GOLGA8T: variants seen among roughly 807,000 people sequenced by gnomAD.
GOLGA8T encodes the protein golgin subfamily A member 8T.
In GOLGA8T, 17 loss-of-function variants were observed where a neutral mutation model predicts 52.0. The ratio of observed to expected loss-of-function variants is 0.33; its 90% CI spans 0.22 to 0.49. The LOEUF is 0.49. GOLGA8T is among the 20% of genes least tolerant of loss of function. GOLGA8T has a pLI of 0.99. For synonymous variants in GOLGA8T, 67 were observed against 169.5 expected (o/e 0.40, Z 4.70); for missense variants, 154 against 462.1 (o/e 0.33, Z 6.11).
rs1168516275 is a variant in GOLGA8T at position 30,144,863 on chromosome 15, G to A, written c.1453G>A (p.Asp485Asn). ...ACTCTGCTTCATCCACCACTGGCGA[G>A]ACAGACGCCATCAGTGAGTGGGAGG... ...KELCFIHHWR[D>N]RRHQKTHHLL... Residue 485 changes from aspartate to asparagine, a missense_variant, in exon 16 of 19, where the codon GAC becomes AAC. Around this residue, in one of 6 missense-constraint regions of GOLGA8T, gnomAD observed 17 missense variants for 26.0 expected, o/e 0.65. Coordinates refer to ENST00000569052, the MANE Select transcript of GOLGA8T (RefSeq NM_001355469.2). 1.3e-6 allele frequency: 2 copies of A among 1,585,312 alleles called. No homozygotes were observed. The highest frequency in any genetic ancestry group is 1.7e-6 in the Non-Finnish European group (2 of 1,171,624).
chr15:30,142,193 G>C, intron 12 of GOLGA8T, 121 bp from the exon 13 acceptor site: 1 of 684,224 alleles, frequency 1.5e-6, no homozygotes, highest in Non-Finnish European at 2.3e-6. Flanking sequence ...AGGTGGCTGT[G>C]GGAGAGAGGG....
rs1472178417 is a variant in GOLGA8T, at chr15:30,148,695, C to A, written c.*3128C>A. On this transcript the variant is annotated 3_prime_UTR_variant, in exon 19 of 19. Coordinates refer to ENST00000569052, the MANE Select transcript of GOLGA8T (RefSeq NM_001355469.2). ...ACTGAAAGATTTTTCCCTAGAGTGGCCTTATTGACTGCTGGTGTGATGCCA... is the reference window on the plus strand; with the variant it reads ...ACTGAAAGATTTTTCCCTAGAGTGGACTTATTGACTGCTGGTGTGATGCCA... Among the ~76,000 whole-genome samples the A allele has an allele frequency of 2.0e-5, 3 of 146,364 alleles. No individual in the cohort carries two copies. The highest frequency in any genetic ancestry group is 2.2e-4 in the South Asian group (1 of 4,518).
intron 11 of GOLGA8T, 38 bp downstream of exon 11, chr15:30,141,463 C>T: frequency 1.3e-6 from 2 of 1,517,748 alleles, no homozygotes; most frequent in Non-Finnish European, 1.7e-6. Flanking sequence ...GCAGGACTGG[C>T]ATCAGAGGGC....
chr15:30,140,758 G>T (rs980117222), intron 8 of GOLGA8T, 84 bp from the exon 9 acceptor site: 1 of 1,039,808 alleles, frequency 9.6e-7, no homozygotes, highest in Non-Finnish European at 1.4e-6. Flanking sequence ...TTGTATATTG[G>T]GCCTAGCCCT....
At position 30,144,648 on chromosome 15, in the gene GOLGA8T, C is replaced by A. The variant is rs2057795211; in HGVS notation, c.1369-131C>A. ...GGGGCGAGTCTGTGAGTAGGGAGAC[C>A]CACTGGGCCCTGCAGGAAGTCACGG... On this transcript the variant is annotated intron_variant, in intron 15 of 18. Transcript: ENST00000569052. The A allele has an allele frequency of 9.8e-6, 12 of 1,224,120 alleles. 3 individuals are homozygous for A. Among genetic ancestry groups the A allele is most frequent in the Non-Finnish European group, 1.3e-5 (12 of 938,378 alleles). 75.8% of individuals were successfully genotyped at this position (1,224,120 alleles called of 1,614,324 possible).
chr15:30,142,245 G>A, intron 12 of GOLGA8T, 69 bp from the exon 13 acceptor site: 1 of 1,068,140 alleles, frequency 9.4e-7, no homozygotes, highest in Non-Finnish European at 1.3e-6. Context: ...CAGTGCCATG[G>A]GAGGCAGACA....
chr15:30,145,609 A>G lies in GOLGA8T; in HGVS notation c.*42A>G, dbSNP rs1176525507. On this transcript the variant is annotated 3_prime_UTR_variant, in exon 19 of 19. Coordinates refer to ENST00000569052, the MANE Select transcript of GOLGA8T (RefSeq NM_001355469.2). The stretch of plus-strand genomic sequence containing the variant: ...AGAGCTGCTCAAGAAATTTTTAAAT[A>G]AGAAACCAAGTTATGGGGTTAATCT... The G allele has an allele frequency of 7.0e-6, 7 of 1,004,904 alleles. No individual in the cohort carries two copies. The East Asian group carries it at 1.7e-4, about 25-fold the overall frequency. The allele number at this position is 1,004,904 out of a possible 1,614,324, so 62.2% of individuals were successfully genotyped here.
At chr15:30,140,474 TC>T (rs1475399936) in intron 8 of GOLGA8T, among the ~76,000 whole-genome samples, 3 of 124,868 alleles carry the variant, frequency 2.4e-5, no homozygotes, top group Non-Finnish European at 4.8e-5. Context: ...CCATGTTTTT[TC>T]ATCTCCACAA....
intron 14 of GOLGA8T, 34 bp from the exon 15 acceptor site, chr15:30,144,079 G>A: frequency 2.6e-6 from 1 of 392,152 alleles, no homozygotes; most frequent in Non-Finnish European, 4.3e-6. Flanking sequence ...CCCTTGTTGG[G>A]TTGTCTGAAG....
At position 30,146,991 on chromosome 15, in the gene GOLGA8T, A is replaced by G. The variant is rs974083432; in HGVS notation, c.*1424A>G. On this transcript the variant is annotated 3_prime_UTR_variant, in exon 19 of 19. Transcript: ENST00000569052. ...TACTGTTCGTGAATGTCAATGTATT[A>G]TCAGGAAACGTGTCTATACAATCAC... 8.4e-6 allele frequency among the ~76,000 whole-genome samples: 1 copy of G among 118,810 alleles called. No homozygotes were observed. The highest frequency in any genetic ancestry group is 1.6e-5 in the Non-Finnish European group (1 of 63,630). The allele number at this position is 118,810 out of a possible 152,430, so 77.9% of individuals were successfully genotyped here.
intron 8 of GOLGA8T, among the ~76,000 whole-genome samples, chr15:30,140,363 TC>T (rs2057726276): frequency 1.7e-5 from 2 of 119,850 alleles, no homozygotes; most frequent in Admixed American, 8.1e-5. Context: ...TGTGCCCCCA[TC>T]CCCAGCAAGA....
intron 2 of GOLGA8T, among the ~76,000 whole-genome samples, chr15:30,137,455 A>G (rs2057705042): frequency 8.1e-6 from 1 of 123,080 alleles, no homozygotes; most frequent in Non-Finnish European, 1.7e-5. Flanking sequence ...ATTTAGGGCA[A>G]GTTGCTAGAC....
At chr15:30,142,471 A>G in intron 13 of GOLGA8T, 89 bp downstream of exon 13, 1 of 1,562,300 alleles carries the variant, frequency 6.4e-7, no homozygotes, top group Non-Finnish European at 8.6e-7. Flanking sequence ...GGCCAGAGGC[A>G]GCTTCCAGCC....
chr15:30,141,702 T>G, intron 11 of GOLGA8T, 100 bp from the exon 12 acceptor site: 1 of 565,572 alleles, frequency 1.8e-6, no homozygotes, highest in Non-Finnish European at 3.0e-6. Flanking sequence ...TCATTAGCAG[T>G]GAGGCCAAGT....
chr15:30,140,140 G>A (rs1379536882), intron 8 of GOLGA8T: 3 of 392,164 alleles, frequency 7.6e-6, no homozygotes, highest in South Asian at 5.8e-5. Context: ...GTAGAAAGAG[G>A]AAACGTGTGT....
Position 30,148,416 on chromosome 15 carries a change from A to T in GOLGA8T, c.*2849A>T, listed in dbSNP as rs1226663965. Among the ~76,000 whole-genome samples the T allele has an allele frequency of 7.6e-6, 1 of 130,744 alleles. No individual in the cohort carries two copies. 85.8% of individuals were successfully genotyped at this position (130,744 alleles called of 152,430 possible). On this transcript the variant is annotated 3_prime_UTR_variant, in exon 19 of 19. Coordinates refer to ENST00000569052, the MANE Select transcript of GOLGA8T (RefSeq NM_001355469.2). ...AATGTAAATCAGCCCTATCCATAAT[A>T]TAGTTTCTCTAAAACTTTATCTTAG...
At position 30,146,019 on chromosome 15, in the gene GOLGA8T, C is replaced by CT. The variant is rs2140659280; in HGVS notation, c.*454dup. 1.7e-5 allele frequency among the ~76,000 whole-genome samples: 2 copies of CT among 116,356 alleles called. No homozygotes were observed. Among genetic ancestry groups the CT allele is most frequent in the South Asian group, 5.5e-4 (2 of 3,620 alleles). 76.3% of individuals were successfully genotyped at this position (116,356 alleles called of 152,430 possible). ...GATCTAATCTTAATCACAGTGAGCT[C>CT]TTCCTTAGCTCAATATGTAGTTTGC... On this transcript the variant is annotated 3_prime_UTR_variant, in exon 19 of 19. Coordinates refer to ENST00000569052, the MANE Select transcript of GOLGA8T (RefSeq NM_001355469.2).
intron 16 of GOLGA8T, 29 bp from the exon 17 acceptor site, chr15:30,144,930 C>T (rs1312930112): frequency 6.4e-7 from 1 of 1,553,826 alleles, no homozygotes; most frequent in Non-Finnish European, 8.7e-7. Flanking sequence ...TCGGAGGGGC[C>T]CCAGCGTCTG....
At position 30,142,325 on chromosome 15, in the gene GOLGA8T, C is replaced by G. The variant is rs563458388; in HGVS notation, c.1143C>G (p.Asn381Lys). Residue 381 changes from asparagine to lysine, a missense_variant, in exon 13 of 19, where the codon AAC becomes AAG. Transcript: ENST00000569052. ...QSVFEEPNNENKNALQLEQQV... is the reference protein window; with the variant it reads ...QSVFEEPNNEKKNALQLEQQV... Reference sequence around the variant, plus strand: ...TTCTCTCTGTCCAGAACAATGAGAACAAGAACGCACTGCAGTTGGAGCAGC... The same window carrying G: ...TTCTCTCTGTCCAGAACAATGAGAAGAAGAACGCACTGCAGTTGGAGCAGC... 1.6e-5 allele frequency: 25 copies of G among 1,537,098 alleles called. No homozygotes were observed. Among genetic ancestry groups the G allele is most frequent in the East Asian group, 1.4e-4 (6 of 42,124 alleles).
Sources: allele counts gnomAD v4.1 joint callset (sites outside exome capture counted in the v4.1 genomes callset), GRCh38; gene constraint gnomAD v4.1.1; regional missense constraint gnomAD v4.1.1; transcripts MANE v1.5; gene names NCBI Gene and HGNC (gene_info 2026-07-23, HGNC 2026-07-21).